Variants in TBC1D19 observed in about 807,000 individuals in gnomAD.
TBC1D19 encodes TBC1 domain family member 19, also known as TBC1 domain family, member 19.
TBC1D19 carries 60 observed loss-of-function variants against 89.0 expected under a neutral mutation model. The ratio of observed to expected loss-of-function variants is 0.67; its 90% confidence interval spans 0.55 to 0.84. The LOEUF is 0.84. Among genes scored for constraint, TBC1D19 ranks in the 40% least tolerant of loss-of-function variants. TBC1D19 has a pLI of 0.00. For synonymous variants in TBC1D19, 189 were observed against 199.7 expected (o/e 0.95, Z 0.45); for missense variants, 500 against 610.8 (o/e 0.82, Z 1.91).
In TBC1D19 at chr4:26,601,628, G is replaced by A. The variant is rs187699926; in HGVS notation, c.100-11541G>A. 7.7e-4 allele frequency among the ~76,000 whole-genome samples: 117 copies of A among 152,298 alleles called. 1 individual carries two copies. The highest frequency in any genetic ancestry group is 2.5e-3 in the African/African-American group (105 of 41,570). On this transcript the variant is annotated intron_variant, in intron 1 of 20. Coordinates refer to ENST00000264866, the MANE Select transcript of TBC1D19 (RefSeq NM_018317.4). ...AGAGAAATAAGCTTATCTAGGTTGA[G>A]TAGAACTAGAGTTTTAGAGGGATGT...
At chr4:26,615,454 G>A (rs1560419222) in intron 3 of TBC1D19, among the ~76,000 whole-genome samples, 1 of 116,056 alleles carries the variant, frequency 8.6e-6, no homozygotes, top group Non-Finnish European at 2.0e-5. Flanking sequence ...TTGCACGTCT[G>A]CTTTTTTTTT....
chr4:26,654,539 A>G (rs1334414598), intron 7 of TBC1D19, among the ~76,000 whole-genome samples: 1 of 152,176 alleles, frequency 6.6e-6, no homozygotes, highest in Non-Finnish European at 1.5e-5. Flanking sequence ...GTCTTTTCAC[A>G]TAGTCCCATA....
At chr4:26,586,263 C>T (rs1374958918) in intron 1 of TBC1D19, among the ~76,000 whole-genome samples, 2 of 150,736 alleles carry the variant, frequency 1.3e-5, no homozygotes, top group East Asian at 1.9e-4. Flanking sequence ...TTCCTTGGCA[C>T]CTTTGTCGAA....
At chr4:26,644,951 T>C (rs1344319822) in intron 7 of TBC1D19, among the ~76,000 whole-genome samples, 2 of 152,166 alleles carry the variant, frequency 1.3e-5, no homozygotes, top group African/African-American at 4.8e-5. Flanking sequence ...GAACATTCCA[T>C]GCTCATGGAT....
At chr4:26,825,923 C>G in the TBC1D19 span, among the ~76,000 whole-genome samples, 4 of 152,256 alleles carry the variant, frequency 2.6e-5, no homozygotes, top group South Asian at 8.3e-4. Flanking sequence ...CTAAGCTGGC[C>G]GGGCATGGTG....
At position 26,739,894 on chromosome 4, in the gene TBC1D19, C is replaced by A; in HGVS notation, c.1148C>A (p.Pro383His). ...CCACTTTGTTTTCTATACCATGAAC[C>A]TTCCAAATTGTATCAGATATTCCGT... Reference protein sequence around the residue: ...VAPLCFLYHEPSKLYQIFREM... With the variant: ...VAPLCFLYHEHSKLYQIFREM... The change falls in exon 17 of 21, where the codon CCT becomes CAT. Residue 383 changes from proline (P) to histidine (H), a missense_variant. By Grantham distance (77) the Pro-to-His change is moderately conservative. Around this residue, in one of 2 missense-constraint regions of TBC1D19, gnomAD observed 220 missense variants for 319.1 expected, o/e 0.69. Transcript: ENST00000264866. 1 of 1,593,104 alleles carries A rather than the reference C, an allele frequency of 6.3e-7. No individual in the cohort carries two copies. The highest frequency in any genetic ancestry group is 1.8e-5 in the Admixed American group (1 of 56,524).
intron 18 of TBC1D19, among the ~76,000 whole-genome samples, chr4:26,745,453 T>C (rs1718598036): frequency 6.7e-6 from 1 of 150,206 alleles, no homozygotes; most frequent in South Asian, 2.1e-4. Flanking sequence ...TTTATACTTT[T>C]AAAGTATGTT....
intron 8 of TBC1D19, among the ~76,000 whole-genome samples, chr4:26,660,552 G>A (rs1745163058): frequency 1.3e-5 from 2 of 152,156 alleles, no homozygotes; most frequent in South Asian, 4.1e-4. Flanking sequence ...CCCTTTGCCA[G>A]CAGGCCTGAT....
chr4:26,673,832 A>C lies in TBC1D19; in HGVS notation c.760A>C (p.Thr254Pro). Reference protein sequence around the residue: ...AQQYIRQGSPTALRAELWALI... With the variant: ...AQQYIRQGSPPALRAELWALI... ...ACAGTACATCAGACAAGGAAGTCCC[A>C]CGGCACTGAGAGCTGAATTGTGGGC... The change falls in exon 11 of 21, where the codon ACG becomes CCG. Residue 254 changes from threonine to proline, a missense_variant. Physicochemically the swap from Thr to Pro is conservative, Grantham distance 38. Around this residue, in one of 2 missense-constraint regions of TBC1D19, gnomAD observed 280 missense variants for 291.7 expected, o/e 0.96. Transcript: ENST00000264866. The C allele has an allele frequency of 6.2e-7, 1 of 1,611,210 alleles. No homozygotes were observed. Among genetic ancestry groups the C allele is most frequent in the Non-Finnish European group, 8.5e-7 (1 of 1,178,176 alleles).
At chr4:26,674,903 C>G (rs1015640806) in intron 11 of TBC1D19, among the ~76,000 whole-genome samples, 2 of 151,584 alleles carry the variant, frequency 1.3e-5, no homozygotes, top group Non-Finnish European at 2.9e-5. Flanking sequence ...AAAACTATAC[C>G]TCTAACCCTT....
At chr4:26,786,698 A>C in the TBC1D19 span, among the ~76,000 whole-genome samples, 1 of 129,202 alleles carries the variant, frequency 7.7e-6, no homozygotes, top group Non-Finnish European at 1.6e-5. Flanking sequence ...GCCAGTTGAA[A>C]GGATGGTAGC....
intron 4 of TBC1D19, among the ~76,000 whole-genome samples, chr4:26,622,897 G>A (rs981557744): frequency 6.6e-6 from 1 of 152,044 alleles, no homozygotes; most frequent in African/African-American, 2.4e-5. Flanking sequence ...TCAATAGCAG[G>A]GATTGTGCTT....
intron 12 of TBC1D19, among the ~76,000 whole-genome samples, chr4:26,684,062 C>A (rs1713593064): frequency 6.6e-6 from 1 of 152,130 alleles, no homozygotes; most frequent in Non-Finnish European, 1.5e-5. Context: ...AACTGAAAAG[C>A]AAAACCGGAT....
At chr4:26,719,360 C>CT (rs1015087293) in intron 14 of TBC1D19, among the ~76,000 whole-genome samples, 2 of 151,962 alleles carry the variant, frequency 1.3e-5, no homozygotes, top group Non-Finnish European at 2.9e-5. Flanking sequence ...ATAAAAAGAA[C>CT]TTTTTTTAAC....
chr4:26,734,993 T>TACAC (rs1292788120), intron 15 of TBC1D19, among the ~76,000 whole-genome samples: 59 of 106,048 alleles, frequency 5.6e-4, no homozygotes, highest in African/African-American at 1.5e-3. Context: ...TATATGTATA[T>TACAC]ATGTATACAC....
downstream of TBC1D19, among the ~76,000 whole-genome samples, chr4:26,759,484 T>C (rs1422551619): frequency 6.6e-6 from 1 of 152,236 alleles, no homozygotes; most frequent in Non-Finnish European, 1.5e-5. Context: ...ATGTATATTT[T>C]ATGTAAAATA....
intron 13 of TBC1D19, among the ~76,000 whole-genome samples, chr4:26,698,953 G>GCC (rs1278635137): frequency 6.6e-6 from 1 of 152,180 alleles, no homozygotes; most frequent in African/African-American, 2.4e-5. Context: ...ATAGGCATGG[G>GCC]CAAGGACTTC....
At chr4:26,841,724 G>T in the TBC1D19 span, among the ~76,000 whole-genome samples, 1 of 152,156 alleles carries the variant, frequency 6.6e-6, no homozygotes, top group Admixed American at 6.5e-5. Context: ...GCCACTCTGT[G>T]CCTGTGAGAA....
the TBC1D19 span, among the ~76,000 whole-genome samples, chr4:26,778,784 TA>T: frequency 6.6e-6 from 1 of 152,210 alleles, no homozygotes; most frequent in African/African-American, 2.4e-5. Context: ...TCTGAATTTT[TA>T]TAAGATCTCC....
Sources: allele counts gnomAD v4.1 joint callset (sites outside exome capture counted in the v4.1 genomes callset), GRCh38; gene constraint gnomAD v4.1.1; regional missense constraint gnomAD v4.1.1; transcripts MANE v1.5; gene names NCBI Gene and HGNC (gene_info 2026-07-23, HGNC 2026-07-21).